WASHC2C: variants seen among roughly 807,000 people sequenced by gnomAD.
The protein encoded by WASHC2C is Vaccinia Penetration Factor.
A neutral mutation model predicts 142.2 loss-of-function variants in WASHC2C; 73 were observed. That is an observed-to-expected ratio of 0.51 (90% CI 0.43 to 0.62). The LOEUF is 0.62. Ranked by LOEUF, WASHC2C falls within the 20% of genes least tolerant of loss-of-function variation. The pLI, the probability that WASHC2C is intolerant of heterozygous loss-of-function variation, is 0.00. For synonymous variants in WASHC2C, 337 were observed against 565.5 expected (o/e 0.60, Z 5.73); for missense variants, 969 against 1,531.7 (o/e 0.63, Z 6.13).
chr10:45,734,033 C>G (rs184189197), intron 3 of WASHC2C, among the ~76,000 whole-genome samples: 2,223 of 151,964 alleles, frequency 0.015, 56 homozygotes, highest in African/African-American at 0.05. Flanking sequence ...ACCATCCTGA[C>G]TAACACGGTG....
At position 45,790,355 on chromosome 10, in the gene WASHC2C, G is replaced by A. The variant is rs1589981149; in HGVS notation, c.3709-1G>A. 4.4e-6 allele frequency: 7 copies of A among 1,608,418 alleles called. No homozygotes were observed. In the East Asian group the frequency reaches 1.3e-4, roughly 31 times the overall value. On this transcript the variant is annotated splice_acceptor_variant, in intron 29 of 30. Transcript: ENST00000623400. LOFTEE classifies it high-confidence loss of function. ...TTTGTATGTATTTTTGGCTTAACAA[G>A]GATGATATATTTGCTACGGAAGCAA... is the stretch of plus-strand genomic sequence containing the variant.
chr10:45,790,832 T>A (rs879379514), intron 30 of WASHC2C, among the ~76,000 whole-genome samples: 9 of 152,210 alleles, frequency 5.9e-5, no homozygotes, highest in African/African-American at 2.2e-4. Flanking sequence ...TGATGTTATG[T>A]AAGGAGGTTT....
intron 3 of WASHC2C, among the ~76,000 whole-genome samples, chr10:45,729,687 G>A (rs2050307578): frequency 6.6e-6 from 1 of 150,644 alleles, no homozygotes; most frequent in South Asian, 2.2e-4. Flanking sequence ...TGAGGATGGA[G>A]AGGAAGCTTA....
chr10:45,727,746 C>T (rs1182328398), intron 2 of WASHC2C, among the ~76,000 whole-genome samples: 1 of 152,098 alleles, frequency 6.6e-6, no homozygotes. Flanking sequence ...GGCCCAGACG[C>T]GACGTTCCCT....
chr10:45,767,925 TAAAAG>T (rs2056096948), intron 19 of WASHC2C, among the ~76,000 whole-genome samples: 2 of 127,294 alleles, frequency 1.6e-5, no homozygotes, highest in South Asian at 5.6e-4. Context: ...ATGGGGAACT[TAAAAG>T]AGTGCTGACA....
At chr10:45,734,332 T>C (rs1213553587) in intron 3 of WASHC2C, among the ~76,000 whole-genome samples, 5 of 151,754 alleles carry the variant, frequency 3.3e-5, no homozygotes, top group African/African-American at 1.2e-4. Flanking sequence ...CTGTTCTTGT[T>C]TTTTAACTTT....
chr10:45,754,001 C>T (rs1234250114), intron 13 of WASHC2C, among the ~76,000 whole-genome samples: 28 of 151,678 alleles, frequency 1.8e-4, no homozygotes, highest in Admixed American at 1.8e-3. Context: ...CCTGGCTCTC[C>T]TCTGCTTTCT....
intron 27 of WASHC2C, 21 bp from the exon 28 acceptor site, chr10:45,787,014 A>G (rs547711511): frequency 1.3e-6 from 2 of 1,571,356 alleles, no homozygotes; most frequent in Admixed American, 3.5e-5. Flanking sequence ...ACAAATACAG[A>G]GTTTCATTTT....
Position 45,790,550 on chromosome 10 carries a change from A to C in WASHC2C, c.3886+17A>C. ...ATGATATGGGTAAGTTTGGTTTTCT[A>C]CATCTGACCTAGAGAATTCTTACCT... On this transcript the variant is annotated intron_variant, in intron 30 of 30. Coordinates refer to ENST00000623400, the MANE Select transcript of WASHC2C (RefSeq NM_001330074.2). 4 of 1,611,976 alleles carry C rather than the reference A, an allele frequency of 2.5e-6. No individual in the cohort carries two copies. Among genetic ancestry groups the C allele is most frequent in the Non-Finnish European group, 3.4e-6 (4 of 1,179,820 alleles).
In WASHC2C at chr10:45,765,742, G is replaced by C. The variant is rs782135583; in HGVS notation, c.1801G>C (p.Glu601Gln). The C allele has an allele frequency of 5.0e-6, 8 of 1,611,908 alleles. No homozygotes were observed. Among genetic ancestry groups the C allele is most frequent in the Non-Finnish European group, 5.9e-6 (7 of 1,179,870 alleles). ...ATTGTCTCTACAAGCTCAGAGAGAA[G>C]AGAAAGCAAAAGCCTCCGAGCTCTC... ...QTLSLQAQRE[E>Q]KAKASELSKK... The change falls in exon 19 of 31, where the codon GAG becomes CAG. Residue 601 changes from glutamate (E) to glutamine (Q), a missense_variant. By Grantham distance (29) the Glu-to-Gln change is conservative (BLOSUM62 2). Coordinates refer to ENST00000623400, the MANE Select transcript of WASHC2C (RefSeq NM_001330074.2).
chr10:45,761,779 T>C (rs2055127479), intron 17 of WASHC2C, among the ~76,000 whole-genome samples: 1 of 152,188 alleles, frequency 6.6e-6, no homozygotes, highest in South Asian at 2.1e-4. Context: ...TTTGTTTTTG[T>C]TCTTTGCTTT....
At chr10:45,734,124 C>T (rs2610492) in intron 3 of WASHC2C, among the ~76,000 whole-genome samples, 4 of 152,074 alleles carry the variant, frequency 2.6e-5, no homozygotes, top group Non-Finnish European at 4.4e-5. Context: ...ACTCGGGAGC[C>T]TGAGGCAGGA....
At chr10:45,785,423 A>C in intron 25 of WASHC2C, 86 bp from the exon 26 acceptor site, 1 of 1,543,194 alleles carries the variant, frequency 6.5e-7, no homozygotes, top group South Asian at 1.2e-5. Flanking sequence ...TAAGACTCAG[A>C]AGCCAGGATT....
chr10:45,773,846 A>G (rs1293070370), intron 21 of WASHC2C, among the ~76,000 whole-genome samples: 2 of 151,560 alleles, frequency 1.3e-5, no homozygotes, highest in African/African-American at 4.9e-5. Flanking sequence ...AGTGGTAAAA[A>G]AAAACCCAGG....
At chr10:45,784,242 GTGTGTGTGTGTATA>G (rs1564818794) in intron 23 of WASHC2C, among the ~76,000 whole-genome samples, 7 of 38,070 alleles carry the variant, frequency 1.8e-4, no homozygotes, top group African/African-American at 5.6e-4. Flanking sequence ...ATATATATAT[GTGTGTGTGTGTATA>G]TATATATATA....
chr10:45,764,645 G>T (rs1589805737), intron 18 of WASHC2C, among the ~76,000 whole-genome samples: 1 of 152,152 alleles, frequency 6.6e-6, no homozygotes, highest in East Asian at 1.9e-4. Flanking sequence ...GAGCTCAAAG[G>T]CTTTGCCATC....
chr10:45,755,018 C>T lies in WASHC2C; in HGVS notation c.1323C>T (p.Ser441=), dbSNP rs782818759. Reference sequence around the variant, plus strand: ...CTGAGCAGCCCACTCCAAGGAAAAGCCCCTATGGTCCCCCTCCCACTGGCC... The same window carrying T: ...CTGAGCAGCCCACTCCAAGGAAAAGTCCCTATGGTCCCCCTCCCACTGGCC... ...QKPEQPTPRK[S]PYGPPPTGLF... The change falls in exon 15 of 31, where the codon AGC becomes AGT. Residue 441 remains serine, a synonymous_variant. Transcript: ENST00000623400. 3.7e-6 allele frequency: 6 copies of T among 1,611,802 alleles called. No homozygotes were observed. The highest frequency in any genetic ancestry group is 2.2e-5 in the East Asian group (1 of 44,890).
At position 45,728,904 on chromosome 10, in the gene WASHC2C, A is replaced by G. The variant is rs1253340393; in HGVS notation, c.169A>G (p.Arg57Gly). 8 of 1,613,822 alleles carry G rather than the reference A, an allele frequency of 5.0e-6. No individual in the cohort carries two copies. Among genetic ancestry groups the G allele is most frequent in the Non-Finnish European group, 6.8e-6 (8 of 1,179,858 alleles). Residue 57 changes from arginine to glycine, a missense_variant, in exon 3 of 31, where the codon AGG becomes GGG. By Grantham distance (125) the Arg-to-Gly change is moderately radical (BLOSUM62 -2). Coordinates refer to ENST00000623400, the MANE Select transcript of WASHC2C (RefSeq NM_001330074.2). ...LQEFSQQTISRTHEIKKQVDG... is the reference protein window; with the variant it reads ...LQEFSQQTISGTHEIKKQVDG... The stretch of plus-strand genomic sequence containing the variant: ...GGAATTCTCACAGCAAACTATCTCT[A>G]GGACCCATGAAATCAAGAAACAAGT...
intron 18 of WASHC2C, among the ~76,000 whole-genome samples, chr10:45,764,575 A>G (rs1296732000): frequency 6.6e-6 from 1 of 150,630 alleles, no homozygotes; most frequent in Non-Finnish European, 1.5e-5. Context: ...CACAGTGGGG[A>G]AGAGAAATAA....
Sources: allele counts gnomAD v4.1 joint callset (sites outside exome capture counted in the v4.1 genomes callset), GRCh38; gene constraint gnomAD v4.1.1; transcripts MANE v1.5; gene names NCBI Gene and HGNC (gene_info 2026-07-23, HGNC 2026-07-21).